QTMAN: variants seen among roughly 807,000 people sequenced by gnomAD.
QTMAN encodes tRNA-queuosine alpha-mannosyltransferase.
the QTMAN span, among the ~76,000 whole-genome samples, chr2:144,101,151 A>C: frequency 6.6e-6 from 1 of 151,998 alleles, no homozygotes; most frequent in Non-Finnish European, 1.5e-5. Flanking sequence ...TACAGGCTTG[A>C]GCCACCGTGC....
the QTMAN span, chr2:144,007,176 A>C: frequency 6.5e-7 from 1 of 1,548,296 alleles, no homozygotes; most frequent in Non-Finnish European, 8.8e-7. Flanking sequence ...GCATGCCTTG[A>C]CTTACCACCT....
At chr2:144,332,005 G>A in the QTMAN span, among the ~76,000 whole-genome samples, 52 of 152,332 alleles carry the variant, frequency 3.4e-4, no homozygotes, top group African/African-American at 1.2e-3. Flanking sequence ...AGGCCAACCC[G>A]GACGCCCGGC....
the QTMAN span, among the ~76,000 whole-genome samples, chr2:144,187,852 TA>T: frequency 6.6e-6 from 1 of 152,178 alleles, no homozygotes; most frequent in Non-Finnish European, 1.5e-5. Context: ...TGTGCTGATT[TA>T]ATCAAATTTA....
At chr2:144,160,738 G>A in the QTMAN span, among the ~76,000 whole-genome samples, 1 of 152,078 alleles carries the variant, frequency 6.6e-6, no homozygotes. Context: ...ACGGTTAGAG[G>A]GGAGACAGCA....
chr2:144,285,969 T>C, the QTMAN span, among the ~76,000 whole-genome samples: 4,048 of 152,256 alleles, frequency 0.027, 171 homozygotes, highest in African/African-American at 0.092. Context: ...TTCTATCAAG[T>C]AATAAAATGT....
chr2:144,199,252 T>A, the QTMAN span, among the ~76,000 whole-genome samples: 1 of 152,192 alleles, frequency 6.6e-6, no homozygotes, highest in African/African-American at 2.4e-5. Flanking sequence ...TTTCACCATG[T>A]TGGCCAGGCT....
At chr2:144,206,174 CTT>C in the QTMAN span, among the ~76,000 whole-genome samples, 102 of 152,278 alleles carry the variant, frequency 6.7e-4, no homozygotes, top group African/African-American at 2.4e-3. Flanking sequence ...CATTCAAAGT[CTT>C]TCTCATCAGA....
the QTMAN span, among the ~76,000 whole-genome samples, chr2:144,132,588 G>C: frequency 4.6e-5 from 7 of 152,054 alleles, no homozygotes; most frequent in African/African-American, 1.7e-4. Flanking sequence ...ACATGACACA[G>C]TACTCACATT....
At chr2:144,298,463 G>T in the QTMAN span, among the ~76,000 whole-genome samples, 1 of 152,148 alleles carries the variant, frequency 6.6e-6, no homozygotes, top group Admixed American at 6.5e-5. Flanking sequence ...GGTATGGGGT[G>T]TTTATTGTAT....
At chr2:144,218,604 A>ATGTTTT in the QTMAN span, among the ~76,000 whole-genome samples, 1 of 152,222 alleles carries the variant, frequency 6.6e-6, no homozygotes, top group Non-Finnish European at 1.5e-5. Context: ...AGAATACTCA[A>ATGTTTT]ACATGTTTTA....
chr2:144,044,752 G>A, the QTMAN span, among the ~76,000 whole-genome samples: 9 of 152,092 alleles, frequency 5.9e-5, no homozygotes, highest in African/African-American at 2.2e-4. Flanking sequence ...CAGATAATCA[G>A]AATGAACAAA....
chr2:144,047,493 C>T, the QTMAN span, among the ~76,000 whole-genome samples: 3 of 152,090 alleles, frequency 2.0e-5, no homozygotes, highest in African/African-American at 7.2e-5. Context: ...CATCAGGATT[C>T]CTTTTGCATA....
chr2:144,270,921 AG>A, the QTMAN span, among the ~76,000 whole-genome samples: 1 of 152,250 alleles, frequency 6.6e-6, no homozygotes, highest in South Asian at 2.1e-4. Flanking sequence ...AAGATCTGGT[AG>A]GAAAGAGAGG....
chr2:144,015,141 G>C, the QTMAN span, among the ~76,000 whole-genome samples: 1 of 152,100 alleles, frequency 6.6e-6, no homozygotes, highest in Non-Finnish European at 1.5e-5. Context: ...AATAAGAAAA[G>C]CTACCTTACA....
At chr2:144,130,795 G>A in the QTMAN span, among the ~76,000 whole-genome samples, 34 of 151,816 alleles carry the variant, frequency 2.2e-4, no homozygotes, top group Non-Finnish European at 4.1e-4. Context: ...AGAAGACATG[G>A]TATTGAAACA....
At chr2:144,120,983 T>C in the QTMAN span, among the ~76,000 whole-genome samples, 4 of 152,200 alleles carry the variant, frequency 2.6e-5, no homozygotes, top group African/African-American at 4.8e-5. Context: ...TATTTAAATA[T>C]AACCATTGAA....
At chr2:144,177,082 C>T in the QTMAN span, 1 of 541,354 alleles carries the variant, frequency 1.8e-6, no homozygotes, top group South Asian at 1.6e-5. Context: ...ACAAGGACAG[C>T]ACCAAAGGGG....
chr2:144,321,434 A>T, the QTMAN span, among the ~76,000 whole-genome samples: 1 of 152,204 alleles, frequency 6.6e-6, no homozygotes, highest in South Asian at 2.1e-4. Flanking sequence ...TGAGGCTGAA[A>T]CACTCATACT....
At chr2:144,299,827 T>C in the QTMAN span, among the ~76,000 whole-genome samples, 1 of 152,222 alleles carries the variant, frequency 6.6e-6, no homozygotes, top group South Asian at 2.1e-4. Flanking sequence ...ATACCTACAT[T>C]CATAGTAGCA....
Sources: allele counts gnomAD v4.1 joint callset (sites outside exome capture counted in the v4.1 genomes callset), GRCh38; gene constraint gnomAD v4.1.1; transcripts MANE v1.5; gene names NCBI Gene and HGNC (gene_info 2026-07-23, HGNC 2026-07-21).